LSP1: variants seen among roughly 807,000 people sequenced by gnomAD.
LSP1 encodes lymphocyte specific protein 1.
A neutral mutation model predicts 49.3 loss-of-function variants in LSP1; 32 were observed. The ratio of observed to expected loss-of-function variants is 0.65; its 90% CI spans 0.49 to 0.87. The LOEUF (loss-of-function observed/expected upper bound fraction) is 0.87. Ranked by LOEUF, LSP1 falls within the 40% of genes least tolerant of loss-of-function variation. LSP1 has a pLI of 0.00. For missense variants in LSP1, 428 were observed against 442.6 expected, an observed-to-expected ratio of 0.97 and a Z score of 0.30; for synonymous variants, 179 against 178.8, an observed-to-expected ratio of 1.00 and a Z score of -0.01.
At chr11:1,876,965 C>A (rs543535248) in intron 1 of LSP1, among the ~76,000 whole-genome samples, 1 of 152,194 alleles carries the variant, frequency 6.6e-6, no homozygotes, top group African/African-American at 2.4e-5. Flanking sequence ...CACCGCCTGG[C>A]CCCTTGGGCT....
At chr11:1,890,499 G>T in intron 10 of LSP1, 1 of 717,040 alleles carries the variant, frequency 1.4e-6, no homozygotes, top group Non-Finnish European at 2.6e-6. Flanking sequence ...CCCTGGCTTG[G>T]GCAGCAGGGG....
At chr11:1,870,935 A>G (rs1311254954) in intron 1 of LSP1, 5 of 985,778 alleles carry the variant, frequency 5.1e-6, no homozygotes, top group Non-Finnish European at 4.8e-6. Context: ...AGGGCCGTCG[A>G]GCAAAGGCGG....
At chr11:1,887,012 G>C in intron 8 of LSP1, 146 bp downstream of exon 8, 1 of 1,099,942 alleles carries the variant, frequency 9.1e-7, no homozygotes, top group South Asian at 1.6e-5. Context: ...CAGTAGGGTT[G>C]GGTTCACCCT....
intron 8 of LSP1, 42 bp downstream of exon 8, chr11:1,886,908 C>A (rs376266799): frequency 8.7e-5 from 139 of 1,591,588 alleles, no homozygotes; most frequent in Non-Finnish European, 1.1e-4. Flanking sequence ...GCAGAGCCAG[C>A]GCCTGGGAGT....
Position 1,881,440 on chromosome 11 carries a change from T to G in LSP1, c.200T>G (p.Leu67Arg). 2 of 1,571,710 alleles carry G rather than the reference T, an allele frequency of 1.3e-6. No individual in the cohort carries two copies. Among genetic ancestry groups the G allele is most frequent in the Non-Finnish European group, 1.7e-6 (2 of 1,157,890 alleles). The change falls in exon 3 of 11, where the codon CTG (leucine) becomes CGG (arginine). Residue 67 changes from leucine (L) to arginine (R), a missense_variant. Physicochemically the swap from Leu to Arg is moderately radical, Grantham distance 102 (BLOSUM62 -2). Coordinates refer to ENST00000311604, the MANE Select transcript of LSP1 (RefSeq NM_002339.3). ...ERPKQEMLLSLKPSEAPELDE... is the reference protein window; with the variant it reads ...ERPKQEMLLSRKPSEAPELDE... ...CCCCCTGCTACCCTCAGCCTCAGCC[T>G]GAAGCCCTCGGAGGCCCCTGAACTG... is the stretch of plus-strand genomic sequence containing the variant.
In LSP1 at chr11:1,890,279, G is replaced by A. The variant is rs889853504; in HGVS notation, c.*14-1494G>A. ...GGGCAGCCACCATGCGGGGAGCCTC[G>A]GCGGGGCGTGGGGCTTCAGGAAGGC... On this transcript the variant is annotated intron_variant, in intron 10 of 10. Coordinates refer to ENST00000311604, the MANE Select transcript of LSP1 (RefSeq NM_002339.3). 2.9e-5 allele frequency: 21 copies of A among 712,674 alleles called. 1 individual carries two copies. Among genetic ancestry groups the A allele is most frequent in the East Asian group, 1.1e-4 (4 of 37,196 alleles). The allele number at this position is 712,674 out of a possible 1,614,324, so 44.1% of individuals were successfully genotyped here.
chr11:1,875,781 C>T (rs1367354486), intron 1 of LSP1, among the ~76,000 whole-genome samples: 3 of 152,192 alleles, frequency 2.0e-5, no homozygotes, highest in South Asian at 2.1e-4. Context: ...TCTCTACGCC[C>T]GAGCCCCAGG....
intron 1 of LSP1, among the ~76,000 whole-genome samples, chr11:1,878,883 G>A (rs1210036032): frequency 6.6e-6 from 1 of 152,106 alleles, no homozygotes; most frequent in East Asian, 1.9e-4. Context: ...TGCGGTGTCT[G>A]CAGGACCTGG....
chr11:1,875,444 C>A (rs996534744), intron 1 of LSP1, among the ~76,000 whole-genome samples: 2 of 152,232 alleles, frequency 1.3e-5, no homozygotes, highest in African/African-American at 4.8e-5. Flanking sequence ...CTGCACAGAG[C>A]CACTCCCTCT....
intron 1 of LSP1, chr11:1,866,718 G>A: frequency 1.3e-6 from 2 of 1,550,558 alleles, no homozygotes; most frequent in Non-Finnish European, 1.7e-6. Context: ...CTGTGGCCTG[G>A]GATTTGAGGA....
intron 1 of LSP1, among the ~76,000 whole-genome samples, chr11:1,857,315 G>A (rs1281611059): frequency 6.6e-6 from 1 of 152,224 alleles, no homozygotes; most frequent in Non-Finnish European, 1.5e-5. Context: ...GAGGGTCTGG[G>A]GTCCAGCTGG....
At chr11:1,875,174 C>G (rs72843951) in intron 1 of LSP1, among the ~76,000 whole-genome samples, 5 of 151,312 alleles carry the variant, frequency 3.3e-5, no homozygotes, top group South Asian at 2.1e-4. Flanking sequence ...GGGCTGGTGC[C>G]GTGGAGGGAG....
chr11:1,879,116 G>A (rs1208603902), intron 1 of LSP1, among the ~76,000 whole-genome samples: 1 of 152,120 alleles, frequency 6.6e-6, no homozygotes, highest in African/African-American at 2.4e-5. Context: ...AGGCTGAGGC[G>A]GGCGGATCAC....
intron 1 of LSP1, chr11:1,866,521 T>C (rs1847794016): frequency 6.6e-7 from 1 of 1,522,374 alleles, no homozygotes; most frequent in East Asian, 2.5e-5. Flanking sequence ...GGCTGTCACC[T>C]GAGTTCAGGA....
chr11:1,876,014 T>C (rs576913864), intron 1 of LSP1, among the ~76,000 whole-genome samples: 1 of 152,344 alleles, frequency 6.6e-6, no homozygotes, highest in Non-Finnish European at 1.5e-5. Flanking sequence ...TGGGGGCTCA[T>C]GTGAGCAGTG....
intron 1 of LSP1, among the ~76,000 whole-genome samples, chr11:1,868,458 C>G (rs1276443980): frequency 6.6e-6 from 1 of 152,242 alleles, no homozygotes; most frequent in Non-Finnish European, 1.5e-5. Flanking sequence ...GCTCTAAGGC[C>G]CCTCAGGCAG....
chr11:1,854,890 A>G (rs1847449430), intron 1 of LSP1, among the ~76,000 whole-genome samples: 1 of 151,790 alleles, frequency 6.6e-6, no homozygotes, highest in Non-Finnish European at 1.5e-5. Context: ...ATCCTTGGCC[A>G]CCCCCTCCCA....
chr11:1,854,819 C>T (rs1847447471), intron 1 of LSP1, among the ~76,000 whole-genome samples: 1 of 152,210 alleles, frequency 6.6e-6, no homozygotes, highest in South Asian at 2.1e-4. Context: ...CACCTCATGC[C>T]CATAGAAGGG....
rs780358682 is a variant in LSP1, at chr11:1,853,124, T to C, written c.-21T>C. ...ACTCCAGGGATCTGCCAGCACCCTG[T>C]GGGGCCCAGACTACAGGCTGATGGC... On this transcript the variant is annotated 5_prime_UTR_variant, in exon 1 of 11. Coordinates refer to ENST00000311604, the MANE Select transcript of LSP1 (RefSeq NM_002339.3). 1.6e-5 allele frequency: 26 copies of C among 1,606,210 alleles called. No individual in the cohort carries two copies. In the South Asian group the frequency reaches 2.8e-4, roughly 17 times the overall value.
Sources: gnomAD v4.1 joint callset for allele counts (sites outside exome capture counted in the v4.1 genomes callset) on GRCh38, gnomAD v4.1.1 for gene constraint, MANE v1.5 for transcripts, NCBI Gene and HGNC (gene_info 2026-07-23, HGNC 2026-07-21) for gene names.